STK17B: variants seen among roughly 807,000 people sequenced by gnomAD.
STK17B encodes the protein serine/threonine kinase 17b, also known as serine/threonine-protein kinase 17B.
A neutral mutation model predicts 42.0 loss-of-function variants in STK17B; 21 were observed. The observed-to-expected ratio is 0.50, with a 90% confidence interval of 0.35 to 0.72. The LOEUF (loss-of-function observed/expected upper bound fraction) is 0.72. STK17B is among the 30% of genes least tolerant of loss of function. The pLI, the probability that STK17B is intolerant of heterozygous loss-of-function variation, is 0.00. For synonymous variants in STK17B, 143 were observed against 148.4 expected, an observed-to-expected ratio of 0.96 and a Z score of 0.26; for missense variants, 349 against 446.0, an observed-to-expected ratio of 0.78 and a Z score of 1.96.
intron 2 of STK17B, among the ~76,000 whole-genome samples, chr2:196,162,942 G>A (rs1699831512): frequency 6.6e-6 from 1 of 152,158 alleles, no homozygotes; most frequent in Non-Finnish European, 1.5e-5. Context: ...CACACACCTA[G>A]TAACTGGTGG....
chr2:196,170,379 G>C (rs1334821715), intron 1 of STK17B, among the ~76,000 whole-genome samples: 1 of 152,114 alleles, frequency 6.6e-6, no homozygotes, highest in African/African-American at 2.4e-5. Context: ...ACATTACGTC[G>C]ACAAAACAAT....
chr2:196,154,226 C>CCAA (rs55974799), intron 3 of STK17B: 20,524 of 147,134 alleles, frequency 0.14, 1,835 homozygotes, highest in African/African-American at 0.27. Context: ...GAGCAAGACT[C>CCAA]CAACAACAAC....
chr2:196,170,614 A>G (rs1699927517), intron 1 of STK17B, among the ~76,000 whole-genome samples: 1 of 152,172 alleles, frequency 6.6e-6, no homozygotes, highest in African/African-American at 2.4e-5. Context: ...TTTCCCTACA[A>G]TAAAACAAAG....
chr2:196,172,963 TG>T (rs1367706329), upstream of STK17B, among the ~76,000 whole-genome samples: 1 of 152,130 alleles, frequency 6.6e-6, no homozygotes, highest in Non-Finnish European at 1.5e-5. Context: ...AGTAACCTCT[TG>T]GGGGTCACAG....
chr2:196,135,002 C>T lies in STK17B; in HGVS notation c.*2445G>A, dbSNP rs1387867933. The T allele has an allele frequency of 1.3e-5, 2 of 152,010 alleles. No individual in the cohort carries two copies. Among genetic ancestry groups the T allele is most frequent in the Admixed American group, 1.3e-4 (2 of 15,268 alleles). 9.4% of individuals were successfully genotyped at this position (152,010 alleles called of 1,614,324 possible). A position where few individuals can be genotyped will look rare whatever the true frequency, so the allele number is the denominator to read the frequency against. ...AGAGTGGATTTTTATATTCTTTGTG[C>T]AATCACTAGTTGCTTTTTTACTATA... is the stretch of plus-strand genomic sequence containing the variant. On this transcript the variant is annotated 3_prime_UTR_variant, in exon 8 of 8. Coordinates refer to ENST00000263955, the MANE Select transcript of STK17B (RefSeq NM_004226.4).
At chr2:196,159,732 C>T (rs1428304217) in intron 2 of STK17B, among the ~76,000 whole-genome samples, 1 of 152,162 alleles carries the variant, frequency 6.6e-6, no homozygotes, top group African/African-American at 2.4e-5. Flanking sequence ...TCCATGAGGG[C>T]AGGGACCATA....
rs550144424 is a variant in STK17B, at chr2:196,157,842, A to T, written c.123-1191T>A. Among the ~76,000 whole-genome samples, 10 of 152,330 alleles carry T rather than the reference A, an allele frequency of 6.6e-5. No individual in the cohort carries two copies. In the East Asian group the frequency reaches 1.7e-3, roughly 26 times the overall value. Reference sequence around the variant, plus strand: ...CAAAAATTTATTTTCACAAAAGCCTAAAGCTATTCTGAGTCAAGGATTATT... The same window carrying T: ...CAAAAATTTATTTTCACAAAAGCCTTAAGCTATTCTGAGTCAAGGATTATT... On this transcript the variant is annotated intron_variant, in intron 2 of 7. Transcript: ENST00000263955.
chr2:196,161,104 T>C (rs566212336), intron 2 of STK17B, among the ~76,000 whole-genome samples: 2 of 152,258 alleles, frequency 1.3e-5, no homozygotes, highest in South Asian at 4.1e-4. Context: ...ACTTGCATAA[T>C]ATTCATTTCC....
At chr2:196,153,129 C>T (rs888454652) in intron 3 of STK17B, 2 of 150,518 alleles carry the variant, frequency 1.3e-5, no homozygotes, top group African/African-American at 4.9e-5. Flanking sequence ...TTTAGAATTT[C>T]AGAATAAGAA....
At chr2:196,164,702 T>C (rs1200487110) in intron 1 of STK17B, among the ~76,000 whole-genome samples, 3 of 152,204 alleles carry the variant, frequency 2.0e-5, no homozygotes, top group East Asian at 1.9e-4. Context: ...AGCAGTGTCA[T>C]TAGAGTTCAG....
At chr2:196,141,349 A>G in intron 5 of STK17B, 52 bp from the exon 6 acceptor site, 1 of 1,426,228 alleles carries the variant, frequency 7.0e-7, no homozygotes, top group Non-Finnish European at 9.7e-7. Context: ...TTAAAACAAG[A>G]AAATCACTTT....
intron 1 of STK17B, 95 bp from the exon 2 acceptor site, chr2:196,163,522 A>G (rs1699839381): frequency 3.8e-6 from 1 of 262,740 alleles, no homozygotes; most frequent in East Asian, 1.3e-4. Flanking sequence ...AAATACAACT[A>G]AAAAAAAAAA....
In STK17B at chr2:196,155,003, C is replaced by T. The variant is rs139246406; in HGVS notation, c.335+1436G>A. The T allele has an allele frequency of 1.2e-3, 182 of 152,312 alleles. 4 individuals carry two copies. The highest frequency in any genetic ancestry group is 4.2e-3 in the African/African-American group (173 of 41,564). 9.4% of individuals were successfully genotyped at this position (152,312 alleles called of 1,614,324 possible). ...TTTCCGGAGTATGAACAAGGTCCAT[C>T]CATAAAATGTCTCAAATCTTTCCGA... is the stretch of plus-strand genomic sequence containing the variant. On this transcript the variant is annotated intron_variant, in intron 3 of 7. Transcript: ENST00000263955.
chr2:196,138,099 G>A (rs961426600), intron 7 of STK17B, among the ~76,000 whole-genome samples: 3 of 152,106 alleles, frequency 2.0e-5, no homozygotes, highest in Non-Finnish European at 2.9e-5. Flanking sequence ...TGACTCTATC[G>A]TCTGTGCTTT....
intron 1 of STK17B, chr2:196,170,733 G>A (rs1197759675): frequency 6.6e-6 from 1 of 152,280 alleles, no homozygotes; most frequent in African/African-American, 2.4e-5. Context: ...TCAGATCGCT[G>A]AAAATCACGG....
chr2:196,171,256 C>T (rs934546354), intron 1 of STK17B, 77 bp downstream of exon 1: 2 of 152,326 alleles, frequency 1.3e-5, no homozygotes, highest in African/African-American at 4.8e-5. Context: ...TCCTTCCTCA[C>T]GTATGAGGTC....
intron 2 of STK17B, among the ~76,000 whole-genome samples, chr2:196,157,441 T>C (rs2105703555): frequency 6.6e-6 from 1 of 152,254 alleles, no homozygotes; most frequent in South Asian, 2.1e-4. Context: ...AATGCAAAAA[T>C]GGGTATTTGA....
At chr2:196,149,544 T>C (rs1156769294) in intron 3 of STK17B, among the ~76,000 whole-genome samples, 1 of 152,222 alleles carries the variant, frequency 6.6e-6, no homozygotes, top group Non-Finnish European at 1.5e-5. Context: ...TTGGGACTTT[T>C]TGTTGAACTC....
intron 2 of STK17B, among the ~76,000 whole-genome samples, chr2:196,162,377 GGA>G (rs1189632674): frequency 6.7e-6 from 1 of 150,276 alleles, no homozygotes; most frequent in East Asian, 1.9e-4. Flanking sequence ...GTTCAACTTA[GGA>G]GAGGGGGAGA....
Sources: allele counts gnomAD v4.1 joint callset (sites outside exome capture counted in the v4.1 genomes callset), GRCh38; gene constraint gnomAD v4.1.1; transcripts MANE v1.5; gene names NCBI Gene and HGNC (gene_info 2026-07-23, HGNC 2026-07-21).